The following AFG1L variants were observed in gnomAD, a reference collection of about 807,000 sequenced individuals.
The protein encoded by AFG1L is AFG1 like ATPase, also known as AFG1-like ATPase.
Under a neutral mutation model 62.2 loss-of-function variants are expected in AFG1L, and 53 were observed. The observed-to-expected ratio is 0.85, with a 90% CI of 0.68 to 1.07. The LOEUF is 1.07. Ranked by LOEUF, AFG1L falls within the 50% of genes least tolerant of loss-of-function variation. The pLI, the probability that AFG1L is intolerant of heterozygous loss-of-function variation, is 0.00. For synonymous variants in AFG1L, 228 were observed against 210.3 expected (o/e 1.08, Z -0.73); for missense variants, 555 against 590.5 (o/e 0.94, Z 0.62).
At chr6:108,502,649 A>C (rs187990347) in intron 10 of AFG1L, among the ~76,000 whole-genome samples, 57 of 152,228 alleles carry the variant, frequency 3.7e-4, no homozygotes, top group Non-Finnish European at 6.0e-4. Context: ...CTCTTGCCTC[A>C]ATGTTGATGA....
At chr6:108,482,057 A>C (rs1254474701) in intron 10 of AFG1L, among the ~76,000 whole-genome samples, 1 of 152,224 alleles carries the variant, frequency 6.6e-6, no homozygotes, top group African/African-American at 2.4e-5. Context: ...TGAGCTTGAC[A>C]GCTTCCCAAT....
chr6:108,451,905 G>A (rs1430195561), intron 8 of AFG1L, among the ~76,000 whole-genome samples: 1 of 152,068 alleles, frequency 6.6e-6, no homozygotes, highest in Non-Finnish European at 1.5e-5. Flanking sequence ...AGTGGAGACG[G>A]GGTTTTGCCA....
At chr6:108,299,089 C>T (rs1394640760) in intron 1 of AFG1L, among the ~76,000 whole-genome samples, 4 of 151,854 alleles carry the variant, frequency 2.6e-5, no homozygotes, top group Admixed American at 1.3e-4. Context: ...GGTGAAACCT[C>T]GTCTCTACTA....
intron 5 of AFG1L, among the ~76,000 whole-genome samples, chr6:108,362,706 T>C (rs1477124983): frequency 6.6e-6 from 1 of 152,234 alleles, no homozygotes; most frequent in Non-Finnish European, 1.5e-5. Context: ...AACTGGTAAC[T>C]AACAGTTTAA....
chr6:108,516,036 G>A (rs1027847510), intron 11 of AFG1L, among the ~76,000 whole-genome samples: 38 of 152,108 alleles, frequency 2.5e-4, no homozygotes, highest in Middle Eastern at 3.4e-3. Flanking sequence ...ACGAGTCCAG[G>A]ACCAGATGGA....
chr6:108,502,314 T>C (rs1014726464), intron 10 of AFG1L, among the ~76,000 whole-genome samples: 3 of 152,156 alleles, frequency 2.0e-5, no homozygotes, highest in Admixed American at 2.0e-4. Flanking sequence ...TAAGTGATTC[T>C]GCTGCCTCAG....
rs1247963141 is a variant in AFG1L at position 108,500,171 on chromosome 6, C to CGTGCGTGT, written c.1063-10038_1063-10037insCGTGTGTG. On this transcript the variant is annotated intron_variant, in intron 10 of 12. Coordinates refer to ENST00000368977, the MANE Select transcript of AFG1L (RefSeq NM_145315.5). ...GCTGTGTAGTATTCCATGGTGCGTGCGTGTGTGTGTGTGTGTGTGTGTGTG... is the reference window on the plus strand; with the variant it reads ...GCTGTGTAGTATTCCATGGTGCGTGCGTGCGTGTGTGTGTGTGTGTGTGTGTGTGTGTG... Among the ~76,000 whole-genome samples the CGTGCGTGT allele has an allele frequency of 6.3e-3, 857 of 135,134 alleles. 10 individuals carry two copies. Among genetic ancestry groups the CGTGCGTGT allele is most frequent in the Middle Eastern group, 0.012 (3 of 260 alleles). 88.7% of individuals were successfully genotyped at this position (135,134 alleles called of 152,430 possible). A position where few individuals can be genotyped will look rare whatever the true frequency, so the allele number is the denominator to read the frequency against.
rs866012658 is a variant in AFG1L, at chr6:108,354,312, G to T, written c.416-1342G>T. 7.0e-4 allele frequency among the ~76,000 whole-genome samples: 105 copies of T among 149,966 alleles called. No homozygotes were observed. In the Middle Eastern group the frequency reaches 0.031, roughly 44 times the overall value. ...GTACTGAACCCTATGTTTTTTTTTT[G>T]TTTTTTTGTTTTTTAAGATGGAGTC... On this transcript the variant is annotated intron_variant, in intron 3 of 12. Transcript: ENST00000368977.
chr6:108,417,910 T>C (rs1770391029), intron 7 of AFG1L, among the ~76,000 whole-genome samples: 1 of 152,182 alleles, frequency 6.6e-6, no homozygotes, highest in Admixed American at 6.5e-5. Context: ...CTCGGCTCAC[T>C]GCAAGCTCCA....
intron 1 of AFG1L, among the ~76,000 whole-genome samples, chr6:108,307,017 T>A (rs1323164647): frequency 6.6e-6 from 1 of 151,636 alleles, no homozygotes; most frequent in Non-Finnish European, 1.5e-5. Context: ...TTTCTTTCTT[T>A]TTTTTTGAGT....
At chr6:108,505,440 A>G (rs1296445778) in intron 10 of AFG1L, among the ~76,000 whole-genome samples, 2 of 152,170 alleles carry the variant, frequency 1.3e-5, no homozygotes, top group African/African-American at 4.8e-5. Flanking sequence ...TCCAGGATGT[A>G]CAAAGATAAC....
intron 6 of AFG1L, among the ~76,000 whole-genome samples, chr6:108,401,229 G>C (rs888576245): frequency 1.4e-5 from 2 of 148,060 alleles, no homozygotes; most frequent in Non-Finnish European, 3.0e-5. Flanking sequence ...TGCAAGCTCC[G>C]CTTCCCGGGT....
At chr6:108,453,574 AACAT>A (rs1386524840) in intron 8 of AFG1L, among the ~76,000 whole-genome samples, 6 of 152,356 alleles carry the variant, frequency 3.9e-5, no homozygotes, top group Admixed American at 6.5e-5. Flanking sequence ...TATGTGTTAA[AACAT>A]ACTTCCCCAT....
intron 10 of AFG1L, among the ~76,000 whole-genome samples, chr6:108,507,141 A>G (rs554244678): frequency 2.3e-4 from 35 of 152,358 alleles, no homozygotes; most frequent in African/African-American, 8.4e-4. Flanking sequence ...GTCTTTGGCA[A>G]TGAATAACCT....
intron 8 of AFG1L, among the ~76,000 whole-genome samples, chr6:108,465,750 C>T (rs760863482): frequency 1.9e-3 from 281 of 150,914 alleles, no homozygotes; most frequent in Non-Finnish European, 3.6e-3. Context: ...TCTTGAAGCA[C>T]GGGTTTTAAA....
intron 10 of AFG1L, among the ~76,000 whole-genome samples, chr6:108,478,705 C>T (rs1773220425): frequency 6.6e-6 from 1 of 152,164 alleles, no homozygotes; most frequent in South Asian, 2.1e-4. Context: ...AGCTCCTCCA[C>T]TTTCTGCAGA....
intron 6 of AFG1L, among the ~76,000 whole-genome samples, chr6:108,381,663 C>T (rs1261004597): frequency 2.6e-5 from 4 of 152,150 alleles, no homozygotes; most frequent in Admixed American, 2.0e-4. Context: ...GTGATTCTCA[C>T]GTTTTAGGTA....
intron 1 of AFG1L, among the ~76,000 whole-genome samples, chr6:108,314,794 A>C (rs1421752596): frequency 2.0e-5 from 3 of 152,096 alleles, no homozygotes; most frequent in Non-Finnish European, 4.4e-5. Context: ...CCTACTTACA[A>C]AATCTGCCTT....
intron 6 of AFG1L, among the ~76,000 whole-genome samples, chr6:108,399,669 T>A (rs1201485255): frequency 6.7e-6 from 1 of 150,034 alleles, no homozygotes; most frequent in Non-Finnish European, 1.5e-5. Context: ...TTCTAATAGT[T>A]TTCCTTTTTT....
Sources: allele counts gnomAD v4.1 joint callset (sites outside exome capture counted in the v4.1 genomes callset), GRCh38; gene constraint gnomAD v4.1.1; transcripts MANE v1.5; gene names NCBI Gene and HGNC (gene_info 2026-07-23, HGNC 2026-07-21).